CLPX: variants seen among roughly 807,000 people sequenced by gnomAD.
CLPX encodes ATP-dependent clpX-like chaperone, mitochondrial.
In CLPX, 34 loss-of-function variants were observed where a neutral mutation model predicts 76.4. That is an observed-to-expected ratio of 0.45 (90% CI 0.34 to 0.59). The LOEUF (loss-of-function observed/expected upper bound fraction) is 0.59. CLPX is among the 20% of genes least tolerant of loss of function. CLPX has a pLI of 0.01. For missense variants in CLPX, 613 were observed against 757.0 expected (o/e 0.81, Z 2.23); for synonymous variants, 248 against 270.9 (o/e 0.92, Z 0.83).
rs879755107 is a variant in CLPX at position 65,159,811 on chromosome 15, C to CT, written c.716-1061dup. Among the ~76,000 whole-genome samples the CT allele has an allele frequency of 5.2e-3, 734 of 141,126 alleles. 2 individuals carry two copies. The highest frequency in any genetic ancestry group is 0.011 in the Admixed American group (149 of 14,060). The allele number at this position is 141,126 out of a possible 152,430, so 92.6% of individuals were successfully genotyped here. On this transcript the variant is annotated intron_variant, in intron 6 of 13. Transcript: ENST00000300107. Reference sequence around the variant, plus strand: ...TGAATTTATTTTTACATTTTCTTTTCTTTTTTTTTTTTTTATTTTGAGACA... The same window carrying CT: ...TGAATTTATTTTTACATTTTCTTTTCTTTTTTTTTTTTTTTATTTTGAGACA...
intron 12 of CLPX, among the ~76,000 whole-genome samples, 196 bp downstream of exon 12, chr15:65,153,351 A>T (rs1566978529): frequency 6.6e-6 from 1 of 151,988 alleles, no homozygotes; most frequent in South Asian, 2.1e-4. Flanking sequence ...TTGGGAGGCT[A>T]AGGTGGGAAG....
At chr15:65,170,909 G>A (rs565227696) in intron 3 of CLPX, among the ~76,000 whole-genome samples, 1 of 130,016 alleles carries the variant, frequency 7.7e-6, no homozygotes, top group Non-Finnish European at 1.6e-5. Context: ...TGCAACCTCC[G>A]CCTCCTGGGT....
At chr15:65,157,310 G>C (rs748028105) in intron 8 of CLPX, among the ~76,000 whole-genome samples, 2 of 152,170 alleles carry the variant, frequency 1.3e-5, no homozygotes, top group Non-Finnish European at 2.9e-5. Context: ...ACAGGAAGCT[G>C]TCATGCTCTT....
intron 6 of CLPX, among the ~76,000 whole-genome samples, chr15:65,160,623 T>TCTCACACACACACA (rs1219208926): frequency 2.7e-4 from 27 of 101,022 alleles, no homozygotes; most frequent in African/African-American, 1.0e-3. Context: ...TCTCTCTCTC[T>TCTCACACACACACA]CACACACACA....
intron 9 of CLPX, among the ~76,000 whole-genome samples, chr15:65,156,499 T>C (rs550856792): frequency 9.8e-5 from 15 of 152,310 alleles, no homozygotes; most frequent in African/African-American, 1.9e-4. Flanking sequence ...GTGGAAGGAA[T>C]AAGAAGCATG....
Position 65,154,778 on chromosome 15 carries a change from TA to T in CLPX, c.1611+3del. The T allele has an allele frequency of 6.3e-7, 1 of 1,575,362 alleles. No homozygotes were observed. The highest frequency in any genetic ancestry group is 8.6e-7 in the Non-Finnish European group (1 of 1,156,596). ...TAACTAAGTACAAAAAATAAAAATCTAACCTTATCCATGCTGAATAAGGCCT... is the reference window on the plus strand; with the variant it reads ...TAACTAAGTACAAAAAATAAAAATCTACCTTATCCATGCTGAATAAGGCCT... On this transcript the variant is annotated splice_donor_region_variant and intron_variant, in intron 11 of 13. Transcript: ENST00000300107.
At chr15:65,157,655 C>G in intron 8 of CLPX, 91 bp downstream of exon 8, 2 of 1,223,012 alleles carry the variant, frequency 1.6e-6, no homozygotes, top group Non-Finnish European at 2.2e-6. Flanking sequence ...AATTTTAGTC[C>G]TTGACTCAAA....
chr15:65,185,080 T>G lies in CLPX; in HGVS notation c.74A>C (p.Gln25Pro). ...GAGTGGCACTATTTCGTTACCTCTC[T>G]GCGCGGAGGCGAGTGAGGAGGTGAT... The part of the protein sequence containing the change: ...RLITSSLASA[Q>P]RGISGGRIHM... The change falls in exon 1 of 14, where the codon CAG becomes CCG. Residue 25 changes from glutamine to proline, a missense_variant. This residue lies in a region of CLPX where 163 missense variants were observed against 118.4 expected (regional missense o/e 1.38). Transcript: ENST00000300107. 2 of 1,571,100 alleles carry G rather than the reference T, an allele frequency of 1.3e-6. No individual in the cohort carries two copies. Among genetic ancestry groups the G allele is most frequent in the South Asian group, 1.2e-5 (1 of 85,626 alleles).
At chr15:65,181,749 A>AAAATAAAT (rs10605280) in intron 1 of CLPX, among the ~76,000 whole-genome samples, 114 of 138,004 alleles carry the variant, frequency 8.3e-4, no homozygotes, top group South Asian at 3.4e-3. Flanking sequence ...GCTCTGTCGC[A>AAAATAAAT]AAATAAATAA....
intron 6 of CLPX, 119 bp downstream of exon 6, chr15:65,162,485 C>A (rs891316196): frequency 1.6e-6 from 1 of 630,104 alleles, no homozygotes; most frequent in Admixed American, 3.0e-5. Flanking sequence ...TAATACGTAT[C>A]TTTCTTGGTA....
At chr15:65,152,321 T>C (rs2087731700) in intron 13 of CLPX, 109 bp downstream of exon 13, 1 of 415,198 alleles carries the variant, frequency 2.4e-6, no homozygotes, top group Non-Finnish European at 4.2e-6. Context: ...TTGCTTCCCT[T>C]AGAAATATAA....
intron 13 of CLPX, 44 bp downstream of exon 13, chr15:65,152,386 C>A (rs997820572): frequency 2.5e-6 from 2 of 811,238 alleles, no homozygotes; most frequent in Admixed American, 2.8e-5. Flanking sequence ...ATGAGGAGCT[C>A]ATCTTAAATT....
intron 13 of CLPX, 57 bp from the exon 14 acceptor site, chr15:65,150,970 C>A: frequency 8.0e-7 from 1 of 1,246,426 alleles, no homozygotes. Flanking sequence ...TAAACATGAT[C>A]TTTAAAATCA....
At chr15:65,171,987 C>T (rs2088014052) in intron 3 of CLPX, among the ~76,000 whole-genome samples, 1 of 152,132 alleles carries the variant, frequency 6.6e-6, no homozygotes, top group Admixed American at 6.5e-5. Context: ...CATTGCAATG[C>T]ACTTTTTTGT....
At position 65,185,109 on chromosome 15, in the gene CLPX, C is replaced by A. The variant is rs374002701; in HGVS notation, c.45G>T (p.Arg15=). ...GACTCGAAAV[R]LITSSLASAQ... Reference sequence around the variant, plus strand: ...CGGAGGCGAGTGAGGAGGTGATGAGCCGGACGGCCGCCGCGCCGCAAGTAC... The same window carrying A: ...CGGAGGCGAGTGAGGAGGTGATGAGACGGACGGCCGCCGCGCCGCAAGTAC... Residue 15 remains arginine, a synonymous_variant, in exon 1 of 14, where the codon CGG becomes CGT. Transcript: ENST00000300107. 6.3e-7 allele frequency: 1 copy of A among 1,583,716 alleles called. No homozygotes were observed. The highest frequency in any genetic ancestry group is 1.8e-5 in the Admixed American group (1 of 54,176).
Position 65,149,572 on chromosome 15 carries a change from G to C in CLPX, c.*1251C>G, listed in dbSNP as rs190271986. On this transcript the variant is annotated 3_prime_UTR_variant, in exon 14 of 14. Coordinates refer to ENST00000300107, the MANE Select transcript of CLPX (RefSeq NM_006660.5). ...ATAGTACTAAAATGGATTAAAGATG[G>C]TAAATAAGGCCGGGTGTGGTGGCTT... The C allele has an allele frequency of 8.8e-6, 4 of 453,290 alleles. No individual in the cohort carries two copies. The highest frequency in any genetic ancestry group is 2.4e-5 in the Admixed American group (1 of 41,986). 28.1% of individuals were successfully genotyped at this position (453,290 alleles called of 1,614,324 possible).
At chr15:65,155,962 T>C (rs747916099) in intron 9 of CLPX, 106 bp from the exon 10 acceptor site, 10 of 901,014 alleles carry the variant, frequency 1.1e-5, no homozygotes, top group Non-Finnish European at 1.7e-5. Flanking sequence ...TTATAGTCAA[T>C]GCACATACCT....
At chr15:65,166,010 G>C (rs1429681218) in intron 4 of CLPX, among the ~76,000 whole-genome samples, 1 of 152,088 alleles carries the variant, frequency 6.6e-6, no homozygotes, top group East Asian at 1.9e-4. Context: ...GGGTACAAGG[G>C]TTCCCAGTTC....
At position 65,185,206 on chromosome 15, in the gene CLPX, C is replaced by T. The variant is rs911167641; in HGVS notation, c.-53G>A. ...CCCCCTGAGGACCTCCGGGTCACAG[C>T]GGCGTGAATCCTGCCCGCAAGGCGC... On this transcript the variant is annotated 5_prime_UTR_variant, in exon 1 of 14. Transcript: ENST00000300107. 2 of 1,445,328 alleles carry T rather than the reference C, an allele frequency of 1.4e-6. No individual in the cohort carries two copies. Among genetic ancestry groups the T allele is most frequent in the South Asian group, 1.2e-5 (1 of 80,482 alleles). 89.5% of individuals were successfully genotyped at this position (1,445,328 alleles called of 1,614,324 possible).
Sources: gnomAD v4.1 joint callset for allele counts (sites outside exome capture counted in the v4.1 genomes callset) on GRCh38, gnomAD v4.1.1 for gene constraint, gnomAD v4.1.1 regional missense constraint, MANE v1.5 for transcripts, NCBI Gene and HGNC (gene_info 2026-07-23, HGNC 2026-07-21) for gene names.